Variants in ZNF469 observed in about 807,000 individuals in gnomAD.
ZNF469 encodes zinc finger protein 469.
Under a neutral mutation model 1.0 loss-of-function variants are expected in ZNF469, and 1 was observed. The ratio of observed to expected loss-of-function variants is 1.00; its 90% CI spans 0.35 to 4.73. The LOEUF (loss-of-function observed/expected upper bound fraction) is 4.73, where lower values mean the gene tolerates loss of function less well. Among genes scored for constraint, ZNF469 ranks in the 30% most tolerant of loss-of-function variants. ZNF469 has a pLI of 0.16. For synonymous variants in ZNF469, 2,703 were observed against 2,363.4 expected (o/e 1.14, Z -4.17); for missense variants, 6,100 against 5,356.3 (o/e 1.14, Z -4.33).
rs1230297544 is a variant in ZNF469, at chr16:88,430,728, C to T, written c.3258C>T (p.Asp1086=). The T allele has an allele frequency of 1.2e-5, 18 of 1,498,872 alleles. No individual in the cohort carries two copies. Among genetic ancestry groups the T allele is most frequent in the Non-Finnish European group, 1.6e-5 (18 of 1,131,952 alleles). 92.8% of individuals were successfully genotyped at this position (1,498,872 alleles called of 1,614,324 possible). ...GGAGGCCCCGGCCCGGAGCTGAGGACCGCAGGCTCCGCGAGTACGACTTCG... is the reference window on the plus strand; with the variant it reads ...GGAGGCCCCGGCCCGGAGCTGAGGATCGCAGGCTCCGCGAGTACGACTTCG... The part of the protein sequence containing the change: ...AAGRPRPGAE[D]RRLREYDFAS... The change falls in exon 3 of 3, where the codon GAC becomes GAT. Residue 1086 remains aspartate, a synonymous_variant. Transcript: ENST00000565624.
At chr16:88,355,894 C>G in the ZNF469 span, among the ~76,000 whole-genome samples, 1 of 152,140 alleles carries the variant, frequency 6.6e-6, no homozygotes, top group African/African-American at 2.4e-5. Flanking sequence ...GCGGCCGCCT[C>G]TTGGGTCAGC....
chr16:88,179,358 T>C, the ZNF469 span, among the ~76,000 whole-genome samples: 1 of 152,192 alleles, frequency 6.6e-6, no homozygotes, highest in Non-Finnish European at 1.5e-5. Context: ...CCTCCCTCCC[T>C]TTGGCTTCCT....
the ZNF469 span, among the ~76,000 whole-genome samples, chr16:88,120,310 C>T: frequency 6.6e-6 from 1 of 152,262 alleles, no homozygotes; most frequent in African/African-American, 2.4e-5. Flanking sequence ...GCCCAGGCCC[C>T]TGCCTTCTGC....
chr16:88,383,376 G>A (rs2092530316), intron 1 of ZNF469, among the ~76,000 whole-genome samples, 122 bp downstream of exon 1: 1 of 147,704 alleles, frequency 6.8e-6, no homozygotes, highest in East Asian at 2.0e-4. Context: ...CTGCGCCCTC[G>A]GGGGCCGCTC....
chr16:88,136,216 C>A, the ZNF469 span, among the ~76,000 whole-genome samples: 1 of 152,178 alleles, frequency 6.6e-6, no homozygotes, highest in Non-Finnish European at 1.5e-5. Context: ...GTGGGGGAGG[C>A]TGTGAGGATA....
the ZNF469 span, among the ~76,000 whole-genome samples, chr16:88,291,255 G>A: frequency 6.6e-6 from 1 of 152,222 alleles, no homozygotes; most frequent in Non-Finnish European, 1.5e-5. Flanking sequence ...CTTTTCTGTA[G>A]GAGCTTGGTG....
chr16:88,374,002 A>T, the ZNF469 span, among the ~76,000 whole-genome samples: 1 of 148,178 alleles, frequency 6.7e-6, no homozygotes, highest in South Asian at 2.1e-4. Context: ...TTTGTCTAAA[A>T]TTAAAAAAAA....
chr16:88,422,963 G>A (rs1451230223), intron 1 of ZNF469, among the ~76,000 whole-genome samples: 1 of 150,780 alleles, frequency 6.6e-6, no homozygotes, highest in African/African-American at 2.4e-5. Context: ...ATGAGTGGAT[G>A]GATGGATTAA....
At chr16:88,246,491 G>A in the ZNF469 span, among the ~76,000 whole-genome samples, 376 of 152,292 alleles carry the variant, frequency 2.5e-3, 1 homozygote, top group African/African-American at 8.4e-3. Flanking sequence ...GCATGGAGAC[G>A]GGTAGGAGGA....
chr16:88,431,893 AACAGGGACTCCGGTC>A lies in ZNF469; in HGVS notation c.4424_4438del (p.Asn1475_Leu1480delinsMet). ...ACCCCTCTATGGCAGCCTGTCTGCG[AACAGGGACTCCGGTC>A]TGCCGTTCGCATGTGCCGACCCTCC... On this transcript the variant is annotated inframe_deletion, in exon 3 of 3. Transcript: ENST00000565624. The A allele has an allele frequency of 6.5e-7, 1 of 1,549,894 alleles. No homozygotes were observed. Among genetic ancestry groups the A allele is most frequent in the Non-Finnish European group, 8.7e-7 (1 of 1,146,858 alleles).
At chr16:88,387,105 AC>A (rs148553692) in intron 1 of ZNF469, among the ~76,000 whole-genome samples, 5,839 of 152,210 alleles carry the variant, frequency 0.038, 159 homozygotes, top group Middle Eastern at 0.065. Context: ...GACTGTGTCC[AC>A]CCAGGGGAGC....
rs907900018 is a variant in ZNF469, at chr16:88,432,612, C to T, written c.5142C>T (p.Ser1714=). 1.9e-5 allele frequency: 29 copies of T among 1,550,322 alleles called. No individual in the cohort carries two copies. Among genetic ancestry groups the T allele is most frequent in the Non-Finnish European group, 1.7e-6 (2 of 1,146,986 alleles). The change falls in exon 3 of 3, where the codon AGC becomes AGT. Residue 1714 remains serine, a synonymous_variant. Transcript: ENST00000565624. ...GACTTTGCCAGGCAGAAGGAGACAG[C>T]AGGCCCCCCCAAGATGTCTGCCTGC... is the stretch of plus-strand genomic sequence containing the variant. The part of the protein sequence containing the change: ...KTGLCQAEGD[S]RPPQDVCLPE...
the ZNF469 span, among the ~76,000 whole-genome samples, chr16:88,137,955 T>C: frequency 6.6e-6 from 1 of 152,120 alleles, no homozygotes; most frequent in Non-Finnish European, 1.5e-5. Flanking sequence ...CCCAAGACGA[T>C]AGAGCCGGGT....
chr16:88,331,070 G>GACC, the ZNF469 span, among the ~76,000 whole-genome samples: 1 of 73,262 alleles, frequency 1.4e-5, no homozygotes, highest in Non-Finnish European at 2.9e-5. Context: ...CAACCATCAC[G>GACC]ACCACCACCA....
the ZNF469 span, among the ~76,000 whole-genome samples, chr16:88,318,949 C>T: frequency 6.6e-6 from 1 of 152,246 alleles, no homozygotes; most frequent in South Asian, 2.1e-4. Flanking sequence ...GATAAACTTG[C>T]TTTTGTTTGG....
the ZNF469 span, among the ~76,000 whole-genome samples, chr16:88,112,978 C>A: frequency 6.6e-6 from 1 of 151,906 alleles, no homozygotes; most frequent in Non-Finnish European, 1.5e-5. Context: ...CGGGGTTTCA[C>A]CGTGTTAGCC....
At chr16:88,347,610 T>A in the ZNF469 span, among the ~76,000 whole-genome samples, 1 of 152,230 alleles carries the variant, frequency 6.6e-6, no homozygotes, top group Non-Finnish European at 1.5e-5. Flanking sequence ...TTGGTTATCA[T>A]GGCCCCAGGA....
chr16:88,431,260 A>T lies in ZNF469; in HGVS notation c.3790A>T (p.Ile1264Leu). ...AATGGGAGCAAGCCCCGGTCTCCTGATACCAGAGCAGCCGCCGCCCAGCAG... is the reference window on the plus strand; with the variant it reads ...AATGGGAGCAAGCCCCGGTCTCCTGTTACCAGAGCAGCCGCCGCCCAGCAG... ...GEMGASPGLL[I>L]PEQPPPSRHD... The change falls in exon 3 of 3, where the codon ATA (isoleucine) becomes TTA (leucine). Residue 1264 changes from isoleucine to leucine, a missense_variant. Coordinates refer to ENST00000565624, the MANE Select transcript of ZNF469 (RefSeq NM_001367624.2). The T allele has an allele frequency of 6.5e-7, 1 of 1,550,326 alleles. No homozygotes were observed. Among genetic ancestry groups the T allele is most frequent in the Non-Finnish European group, 8.7e-7 (1 of 1,146,958 alleles).
the ZNF469 span, among the ~76,000 whole-genome samples, chr16:88,266,823 C>A: frequency 6.6e-6 from 1 of 151,970 alleles, no homozygotes; most frequent in African/African-American, 2.4e-5. Context: ...AGAGTTCCAT[C>A]CTTGGAGCAG....
Sources: gnomAD v4.1 joint callset for allele counts (sites outside exome capture counted in the v4.1 genomes callset) on GRCh38, gnomAD v4.1.1 for gene constraint, MANE v1.5 for transcripts, NCBI Gene and HGNC (gene_info 2026-07-23, HGNC 2026-07-21) for gene names.